TRAPPC9: variants seen among roughly 807,000 people sequenced by gnomAD.
The protein encoded by TRAPPC9 is IKK2 binding protein.
In TRAPPC9, 83 loss-of-function variants were observed where a neutral mutation model predicts 124.0. The observed-to-expected ratio is 0.67, with a 90% confidence interval of 0.56 to 0.80. The LOEUF is 0.80. TRAPPC9 is among the 30% of genes least tolerant of loss of function. The pLI, the probability that TRAPPC9 is intolerant of heterozygous loss-of-function variation, is 0.00. For synonymous variants in TRAPPC9, 638 were observed against 617.5 expected (o/e 1.03, Z -0.49); for missense variants, 1,302 against 1,508.3 (o/e 0.86, Z 2.27).
intron 21 of TRAPPC9, among the ~76,000 whole-genome samples, chr8:139,781,262 G>A (rs1821798110): frequency 6.6e-6 from 1 of 152,292 alleles, no homozygotes; most frequent in African/African-American, 2.4e-5. Context: ...TAGCAACCAA[G>A]CAACCTTCAG....
chr8:140,410,141 CAAAAAAAAAAAAAAAAAA>C (rs61149910), intron 5 of TRAPPC9, among the ~76,000 whole-genome samples: 1 of 70,218 alleles, frequency 1.4e-5, no homozygotes, highest in Non-Finnish European at 2.9e-5. Context: ...ACCTTGTCTC[CAAAAAAAAAAAAAAAAAA>C]AAAAAAAAAA....
chr8:140,258,974 G>A (rs745545011), intron 15 of TRAPPC9, among the ~76,000 whole-genome samples: 3 of 152,202 alleles, frequency 2.0e-5, no homozygotes, highest in Non-Finnish European at 4.4e-5. Flanking sequence ...TGAAACACGG[G>A]CCCCAAGAAC....
intron 18 of TRAPPC9, among the ~76,000 whole-genome samples, chr8:140,013,316 A>G (rs1839255915): frequency 6.6e-6 from 1 of 152,022 alleles, no homozygotes; most frequent in Non-Finnish European, 1.5e-5. Context: ...CCAGCACTGC[A>G]CTTCCTGTCA....
Position 140,422,507 on chromosome 8 carries a change from A to G in TRAPPC9, c.886+4108T>C, listed in dbSNP as rs759006089. Among the ~76,000 whole-genome samples the G allele has an allele frequency of 2.6e-4, 40 of 152,240 alleles. 1 individual carries two copies. The highest frequency in any genetic ancestry group is 3.1e-4 in the Non-Finnish European group (21 of 68,008). On this transcript the variant is annotated intron_variant, in intron 5 of 22. Coordinates refer to ENST00000438773, the MANE Select transcript of TRAPPC9 (RefSeq NM_001160372.4). ...AGTGGCTCACGCCTGTAATCCCAAC[A>G]CTTTGGGAGGCCGAGGTGGGCGGAT... is the stretch of plus-strand genomic sequence containing the variant.
intron 2 of TRAPPC9, among the ~76,000 whole-genome samples, chr8:140,442,735 A>C (rs2071066753): frequency 6.6e-6 from 1 of 152,150 alleles, no homozygotes; most frequent in African/African-American, 2.4e-5. Context: ...TTCAAATCCA[A>C]AGAAAAGCTA....
chr8:139,784,646 A>ATATATATATATATATATATAT (rs1290029459), intron 21 of TRAPPC9, among the ~76,000 whole-genome samples: 4 of 79,292 alleles, frequency 5.0e-5, no homozygotes, highest in Admixed American at 2.2e-4. Context: ...TATATATATA[A>ATATATATATATATATATATAT]ATCAACTGCA....
At chr8:140,362,291 G>A (rs1052481248) in intron 8 of TRAPPC9, among the ~76,000 whole-genome samples, 6 of 152,124 alleles carry the variant, frequency 3.9e-5, no homozygotes, top group East Asian at 1.9e-4. Context: ...CCCATGTTGC[G>A]GACGTGCATA....
chr8:140,041,360 C>G (rs940146905), intron 17 of TRAPPC9, among the ~76,000 whole-genome samples: 2 of 152,244 alleles, frequency 1.3e-5, no homozygotes, highest in African/African-American at 4.8e-5. Context: ...CAGCGTACAC[C>G]TGCACAGCAA....
At chr8:140,311,144 C>T in intron 10 of TRAPPC9, 104 bp downstream of exon 10, 1 of 1,424,726 alleles carries the variant, frequency 7.0e-7, no homozygotes. Context: ...CGATACACAG[C>T]CAACAAAAAT....
intron 19 of TRAPPC9, among the ~76,000 whole-genome samples, chr8:139,939,073 C>T (rs77816995): frequency 3.3e-5 from 5 of 152,214 alleles, no homozygotes; most frequent in East Asian, 1.9e-4. Flanking sequence ...GTTCTCCAGG[C>T]GACAGGCACC....
At chr8:139,939,429 A>C (rs1425285005) in intron 19 of TRAPPC9, among the ~76,000 whole-genome samples, 1 of 152,128 alleles carries the variant, frequency 6.6e-6, no homozygotes, top group Non-Finnish European at 1.5e-5. Context: ...CTCCAGAAGG[A>C]GGTGGTCCAG....
At chr8:140,091,303 C>A (rs1289843342) in intron 17 of TRAPPC9, among the ~76,000 whole-genome samples, 1 of 152,158 alleles carries the variant, frequency 6.6e-6, no homozygotes, top group South Asian at 2.1e-4. Context: ...GGCTTCATAA[C>A]CCTAGGGCCT....
chr8:140,292,185 T>A (rs1259300028), intron 11 of TRAPPC9, among the ~76,000 whole-genome samples: 3 of 152,168 alleles, frequency 2.0e-5, no homozygotes, highest in Non-Finnish European at 4.4e-5. Flanking sequence ...AGAAGGAATT[T>A]CAGAATCAAT....
intron 21 of TRAPPC9, among the ~76,000 whole-genome samples, chr8:139,827,093 A>C (rs950663370): frequency 6.6e-6 from 1 of 152,200 alleles, no homozygotes; most frequent in Non-Finnish European, 1.5e-5. Context: ...GACACCTCTC[A>C]CACCTGTTTG....
chr8:140,427,844 G>T (rs541846506), intron 4 of TRAPPC9, among the ~76,000 whole-genome samples: 1 of 152,090 alleles, frequency 6.6e-6, no homozygotes, highest in Non-Finnish European at 1.5e-5. Flanking sequence ...CAATCTTGAC[G>T]CCACCATTAA....
chr8:139,793,287 C>T (rs186812688), intron 21 of TRAPPC9, among the ~76,000 whole-genome samples: 19 of 152,318 alleles, frequency 1.2e-4, no homozygotes, highest in African/African-American at 2.2e-4. Context: ...GTTCCATCCA[C>T]GCAAAGTGCC....
At chr8:139,952,399 C>T (rs1279378094) in intron 19 of TRAPPC9, among the ~76,000 whole-genome samples, 1 of 152,166 alleles carries the variant, frequency 6.6e-6, no homozygotes, top group Non-Finnish European at 1.5e-5. Flanking sequence ...ATGGTGTGAA[C>T]CTAGGTCTGT....
At chr8:140,426,293 C>T (rs746317261) in intron 5 of TRAPPC9, among the ~76,000 whole-genome samples, 1 of 152,280 alleles carries the variant, frequency 6.6e-6, no homozygotes. Flanking sequence ...AGAGCAAAGT[C>T]GTGATTACAA....
At chr8:139,751,367 G>A (rs1242865273) in intron 21 of TRAPPC9, among the ~76,000 whole-genome samples, 2 of 152,178 alleles carry the variant, frequency 1.3e-5, no homozygotes, top group Admixed American at 6.5e-5. Flanking sequence ...AAGTAAGCCT[G>A]GCCCTTTCAG....
Sources: gnomAD v4.1 joint callset for allele counts (sites outside exome capture counted in the v4.1 genomes callset) on GRCh38, gnomAD v4.1.1 for gene constraint, MANE v1.5 for transcripts, NCBI Gene and HGNC (gene_info 2026-07-23, HGNC 2026-07-21) for gene names.